CLCN3: variants seen among roughly 807,000 people sequenced by gnomAD.
CLCN3 encodes Cl-/H+ antiporter 3, also known as H(+)/Cl(-) exchange transporter 3.
In CLCN3, 16 loss-of-function variants were observed where a neutral mutation model predicts 83.4. The ratio of observed to expected loss-of-function variants is 0.19; its 90% CI spans 0.13 to 0.29. The LOEUF is 0.29. Ranked by LOEUF, CLCN3 falls within the 10% of genes least tolerant of loss-of-function variation. CLCN3 has a pLI of 1.00. For missense variants in CLCN3, 544 were observed against 1,006.0 expected (o/e 0.54, Z 6.21); for synonymous variants, 322 against 346.2 (o/e 0.93, Z 0.78).
intron 1 of CLCN3, among the ~76,000 whole-genome samples, chr4:169,622,095 A>G (rs917337916): frequency 6.6e-6 from 1 of 151,858 alleles, no homozygotes; most frequent in Non-Finnish European, 1.5e-5. Flanking sequence ...TACCCTTCCC[A>G]CCCCTTACTC....
chr4:169,679,998 C>T (rs1731871259), intron 2 of CLCN3, 52 bp from the exon 3 acceptor site: 4 of 1,382,868 alleles, frequency 2.9e-6, no homozygotes, highest in East Asian at 4.6e-5. Context: ...GGTCACTTAG[C>T]TCACTGTTGT....
chr4:169,642,446 T>C (rs1173715712), intron 2 of CLCN3, among the ~76,000 whole-genome samples: 1 of 152,234 alleles, frequency 6.6e-6, no homozygotes. Context: ...CAGTGATTTT[T>C]AGGAATATGC....
chr4:169,708,123 C>G (rs145665440), intron 11 of CLCN3, among the ~76,000 whole-genome samples: 180 of 152,266 alleles, frequency 1.2e-3, no homozygotes, highest in African/African-American at 3.7e-3. Context: ...AAGCCTTTGG[C>G]CTGTCTGAAA....
intron 1 of CLCN3, among the ~76,000 whole-genome samples, chr4:169,627,366 C>T (rs772014609): frequency 6.6e-6 from 1 of 152,096 alleles, no homozygotes; most frequent in Non-Finnish European, 1.5e-5. Context: ...TAAGTGCTTA[C>T]GGACTGTGTG....
At chr4:169,672,220 T>TGATA (rs70964217) in intron 2 of CLCN3, among the ~76,000 whole-genome samples, 7,594 of 145,538 alleles carry the variant, frequency 0.052, 247 homozygotes, top group Admixed American at 0.082. Context: ...TCAAAATAAA[T>TGATA]GATAGATAGA....
intron 2 of CLCN3, among the ~76,000 whole-genome samples, chr4:169,658,697 A>C (rs1444143799): frequency 1.3e-5 from 2 of 152,022 alleles, no homozygotes; most frequent in Non-Finnish European, 2.9e-5. Flanking sequence ...AAAAATTGCC[A>C]AGAATATTTG....
At chr4:169,624,845 G>A (rs1044131569) in intron 1 of CLCN3, among the ~76,000 whole-genome samples, 1 of 151,966 alleles carries the variant, frequency 6.6e-6, no homozygotes, top group African/African-American at 2.4e-5. Context: ...AGGCTGGAGT[G>A]CAGTGGCGCG....
chr4:169,655,942 T>G (rs1730870022), intron 2 of CLCN3, among the ~76,000 whole-genome samples: 1 of 152,234 alleles, frequency 6.6e-6, no homozygotes, highest in African/African-American at 2.4e-5. Context: ...CCATTTTGTT[T>G]TTTCCATTTA....
At chr4:169,714,439 G>A (rs72696653) in intron 12 of CLCN3, among the ~76,000 whole-genome samples, 13,966 of 152,118 alleles carry the variant, frequency 0.092, 676 homozygotes, top group African/African-American at 0.12. Context: ...CCTCTGCAAA[G>A]TAGGTAGTTA....
intron 11 of CLCN3, 61 bp from the exon 12 acceptor site, chr4:169,713,018 C>A: frequency 8.3e-7 from 1 of 1,203,180 alleles, no homozygotes; most frequent in Non-Finnish European, 1.2e-6. Context: ...TCTGAATAAA[C>A]AGGTTGCCTA....
chr4:169,680,016 A>G (rs1183305534), intron 2 of CLCN3, 34 bp from the exon 3 acceptor site: 1 of 1,560,884 alleles, frequency 6.4e-7, no homozygotes, highest in East Asian at 2.2e-5. Context: ...TGTCTCTTCT[A>G]AAACATACTC....
intron 1 of CLCN3, among the ~76,000 whole-genome samples, chr4:169,624,790 AT>A (rs908453260): frequency 4.0e-5 from 6 of 151,030 alleles, no homozygotes; most frequent in Admixed American, 6.6e-5. Flanking sequence ...TCCTTTTCAC[AT>A]TTTTTTTTCT....
At chr4:169,641,027 T>C (rs145304051) in intron 2 of CLCN3, among the ~76,000 whole-genome samples, 103 of 152,238 alleles carry the variant, frequency 6.8e-4, no homozygotes, top group African/African-American at 2.4e-3. Flanking sequence ...GAGGGAAATG[T>C]GAGAGGAGTA....
At chr4:169,672,762 C>G (rs1327532843) in intron 2 of CLCN3, among the ~76,000 whole-genome samples, 1 of 152,120 alleles carries the variant, frequency 6.6e-6, no homozygotes, top group Non-Finnish European at 1.5e-5. Context: ...CTCCTGCATT[C>G]AAGCGATTCT....
intron 1 of CLCN3, among the ~76,000 whole-genome samples, chr4:169,628,486 G>A (rs759033212): frequency 1.1e-4 from 16 of 152,050 alleles, no homozygotes; most frequent in African/African-American, 3.4e-4. Context: ...GCTAGAAAAC[G>A]GACAAAAGAC....
intron 3 of CLCN3, among the ~76,000 whole-genome samples, chr4:169,683,000 T>C (rs1732006506): frequency 1.3e-5 from 2 of 152,232 alleles, no homozygotes; most frequent in South Asian, 4.1e-4. Context: ...AAAATCACTA[T>C]TTTAATCCAA....
intron 11 of CLCN3, 140 bp downstream of exon 11, chr4:169,707,406 T>G: frequency 1.8e-6 from 1 of 560,136 alleles, no homozygotes; most frequent in Non-Finnish European, 3.0e-6. Context: ...TTCTGTTCTT[T>G]AGGAAAGGAA....
chr4:169,672,324 A>G (rs1423656892), intron 2 of CLCN3, among the ~76,000 whole-genome samples: 1 of 152,014 alleles, frequency 6.6e-6, no homozygotes, highest in Non-Finnish European at 1.5e-5. Flanking sequence ...ATTTTTAATG[A>G]AGTCGGGGAT....
intron 1 of CLCN3, among the ~76,000 whole-genome samples, chr4:169,627,383 A>C (rs551669191): frequency 6.6e-6 from 1 of 152,264 alleles, no homozygotes; most frequent in South Asian, 2.1e-4. Context: ...TGTGCCAGCC[A>C]GCTTGCTTAC....
Sources: gnomAD v4.1 joint callset for allele counts (sites outside exome capture counted in the v4.1 genomes callset) on GRCh38, gnomAD v4.1.1 for gene constraint, MANE v1.5 for transcripts, NCBI Gene and HGNC (gene_info 2026-07-23, HGNC 2026-07-21) for gene names.